Variants in ARHGAP31 observed in about 807,000 individuals in gnomAD.
ARHGAP31 encodes Rho GTPase activating protein 31.
ARHGAP31 carries 34 observed loss-of-function variants against 113.9 expected under a neutral mutation model. The observed-to-expected ratio is 0.30, with a 90% confidence interval of 0.23 to 0.40. The LOEUF (loss-of-function observed/expected upper bound fraction) is 0.40, where lower values mean the gene tolerates loss of function less well. Among genes scored for constraint, ARHGAP31 ranks in the 10% least tolerant of loss-of-function variants. The probability of loss-of-function intolerance (pLI) is 1.00; values close to 1 mark genes in which losing one functional copy is unlikely to be tolerated. For missense variants in ARHGAP31, 1,548 were observed against 1,767.1 expected, an observed-to-expected ratio of 0.88 and a Z score of 2.22; for synonymous variants, 650 against 684.8, an observed-to-expected ratio of 0.95 and a Z score of 0.79.
At chr3:119,350,917 G>C (rs1209469917) in intron 1 of ARHGAP31, among the ~76,000 whole-genome samples, 1 of 152,194 alleles carries the variant, frequency 6.6e-6, no homozygotes, top group Non-Finnish European at 1.5e-5. Context: ...AACACTGGCA[G>C]ATAGAAACCG....
chr3:119,355,577 G>C (rs1172897704), intron 1 of ARHGAP31, among the ~76,000 whole-genome samples: 1 of 151,566 alleles, frequency 6.6e-6, no homozygotes, highest in Non-Finnish European at 1.5e-5. Flanking sequence ...ATGTTGGTGT[G>C]CTGCACTCAT....
chr3:119,376,660 A>G (rs922715973), intron 3 of ARHGAP31, among the ~76,000 whole-genome samples: 13 of 151,636 alleles, frequency 8.6e-5, no homozygotes, highest in Non-Finnish European at 1.5e-4. Flanking sequence ...TGATTATCCT[A>G]TCTACAACAG....
chr3:119,369,952 T>TA (rs1419240107), intron 3 of ARHGAP31, among the ~76,000 whole-genome samples: 1 of 147,082 alleles, frequency 6.8e-6, no homozygotes, highest in Non-Finnish European at 1.5e-5. Flanking sequence ...AAATGAAGAT[T>TA]TAAAAAAAAA....
At chr3:119,372,143 C>T (rs1161087568) in intron 3 of ARHGAP31, among the ~76,000 whole-genome samples, 5 of 152,190 alleles carry the variant, frequency 3.3e-5, no homozygotes, top group East Asian at 3.9e-4. Flanking sequence ...ATTGCTGGGT[C>T]GAATAATAGT....
intron 10 of ARHGAP31, among the ~76,000 whole-genome samples, chr3:119,408,765 T>C (rs1409826329): frequency 6.6e-6 from 1 of 152,156 alleles, no homozygotes; most frequent in African/African-American, 2.4e-5. Context: ...TGCAAAGAAA[T>C]GGGGCTTTCC....
At chr3:119,379,687 G>A (rs1263161410) in intron 3 of ARHGAP31, among the ~76,000 whole-genome samples, 1 of 152,140 alleles carries the variant, frequency 6.6e-6, no homozygotes, top group Non-Finnish European at 1.5e-5. Flanking sequence ...AGTGATGTGT[G>A]CCTGTGAATT....
At chr3:119,413,835 C>G (rs2080740922) in intron 11 of ARHGAP31, 21 bp from the exon 12 acceptor site, 15 of 1,614,144 alleles carry the variant, frequency 9.3e-6, no homozygotes, top group Non-Finnish European at 1.3e-5. Flanking sequence ...CTAAGACAAT[C>G]AGTTTATTGA....
chr3:119,339,311 T>A (rs1303006310), intron 1 of ARHGAP31, among the ~76,000 whole-genome samples: 1 of 152,192 alleles, frequency 6.6e-6, no homozygotes, highest in African/African-American at 2.4e-5. Context: ...AGAGATCTTA[T>A]AAACAACATA....
chr3:119,381,879 G>C (rs371878734), intron 4 of ARHGAP31, among the ~76,000 whole-genome samples: 1 of 152,096 alleles, frequency 6.6e-6, no homozygotes, highest in African/African-American at 2.4e-5. Context: ...CCAGCTAGTG[G>C]GGAGGATGAG....
At chr3:119,331,566 A>C (rs767281176) in intron 1 of ARHGAP31, among the ~76,000 whole-genome samples, 5 of 152,226 alleles carry the variant, frequency 3.3e-5, no homozygotes, top group Admixed American at 1.3e-4. Flanking sequence ...AATATTCATG[A>C]GTCCTTGACT....
At chr3:119,410,087 G>C (rs2080702715) in intron 11 of ARHGAP31, among the ~76,000 whole-genome samples, 1 of 152,122 alleles carries the variant, frequency 6.6e-6, no homozygotes, top group African/African-American at 2.4e-5. Flanking sequence ...TTCAATCCCA[G>C]AAGCAGCACA....
chr3:119,365,353 G>C lies in ARHGAP31; in HGVS notation c.138G>C (p.Glu46Asp). 6.2e-7 allele frequency: 1 copy of C among 1,614,064 alleles called. No homozygotes were observed. The highest frequency in any genetic ancestry group is 2.2e-5 in the East Asian group (1 of 44,886). Residue 46 changes from glutamate to aspartate, a missense_variant, in exon 2 of 12, where the codon GAG becomes GAC. Coordinates refer to ENST00000264245, the MANE Select transcript of ARHGAP31 (RefSeq NM_020754.4). ...TGAAGAGCTGTGCAGAATTTATAGA[G>C]ACTCACGGCATCGTGGATGGAATCT... ...YVLKSCAEFI[E>D]THGIVDGIYR...
chr3:119,393,783 C>A (rs866351279), intron 8 of ARHGAP31, among the ~76,000 whole-genome samples, 192 bp downstream of exon 8: 1 of 152,076 alleles, frequency 6.6e-6, no homozygotes, highest in Admixed American at 6.6e-5. Context: ...ACACAGAGAA[C>A]CTGTATACCC....
chr3:119,310,870 T>G (rs2079673785), intron 1 of ARHGAP31, among the ~76,000 whole-genome samples: 1 of 152,188 alleles, frequency 6.6e-6, no homozygotes, highest in African/African-American at 2.4e-5. Flanking sequence ...ATTCACCTAA[T>G]CAACTTCCTT....
At position 119,382,822 on chromosome 3, in the gene ARHGAP31, CA is replaced by C. The variant is rs576794861; in HGVS notation, c.540-258del. Reference sequence around the variant, plus strand: ...GTGGAAAGGCATACTATAAAGGAAACAAAAGTCAATTTCTGTATGTTTACAG... The same window carrying C: ...GTGGAAAGGCATACTATAAAGGAAACAAAGTCAATTTCTGTATGTTTACAG... On this transcript the variant is annotated intron_variant, in intron 5 of 11. Transcript: ENST00000264245. Among the ~76,000 whole-genome samples the C allele has an allele frequency of 1.3e-3, 204 of 152,254 alleles. 1 individual carries two copies. Among genetic ancestry groups the C allele is most frequent in the African/African-American group, 4.7e-3 (197 of 41,548 alleles).
chr3:119,406,997 C>T (rs991917390), intron 10 of ARHGAP31, among the ~76,000 whole-genome samples: 2 of 152,124 alleles, frequency 1.3e-5, no homozygotes, highest in African/African-American at 4.8e-5. Context: ...CCACCTGCTA[C>T]TAGGACCCTA....
At chr3:119,381,902 C>T (rs77390815) in intron 4 of ARHGAP31, among the ~76,000 whole-genome samples, 16 of 148,688 alleles carry the variant, frequency 1.1e-4, no homozygotes, top group South Asian at 4.3e-4. Context: ...CAGAGAATGG[C>T]GTGAACCCGG....
At chr3:119,344,380 T>C (rs2080036438) in intron 1 of ARHGAP31, among the ~76,000 whole-genome samples, 1 of 152,176 alleles carries the variant, frequency 6.6e-6, no homozygotes, top group Admixed American at 6.5e-5. Context: ...CACCCTCATA[T>C]GGCTGAAGCC....
intron 6 of ARHGAP31, among the ~76,000 whole-genome samples, chr3:119,384,388 A>G (rs1005156412): frequency 6.6e-6 from 1 of 152,212 alleles, no homozygotes; most frequent in African/African-American, 2.4e-5. Flanking sequence ...ATCAGTCCAA[A>G]AAGAAACCTG....
Sources: gnomAD v4.1 joint callset for allele counts (sites outside exome capture counted in the v4.1 genomes callset) on GRCh38, gnomAD v4.1.1 for gene constraint, MANE v1.5 for transcripts, NCBI Gene and HGNC (gene_info 2026-07-23, HGNC 2026-07-21) for gene names.